TMC1: variants seen among roughly 807,000 people sequenced by gnomAD.
TMC1 encodes the protein transmembrane channel-like protein 1.
TMC1 carries 84 observed loss-of-function variants against 105.8 expected under a neutral mutation model. The observed-to-expected ratio is 0.79, with a 90% CI of 0.67 to 0.95. TMC1 has a LOEUF of 0.95. Among genes scored for constraint, TMC1 ranks in the 40% least tolerant of loss-of-function variants. The probability of loss-of-function intolerance (pLI) is 0.00; values close to 1 mark genes in which losing one functional copy is unlikely to be tolerated. For missense variants in TMC1, 817 were observed against 914.1 expected, an observed-to-expected ratio of 0.89 and a Z score of 1.37; for synonymous variants, 315 against 311.5, an observed-to-expected ratio of 1.01 and a Z score of -0.12.
At chr9:72,717,669 C>G (rs1322491632) in intron 8 of TMC1, among the ~76,000 whole-genome samples, 4 of 152,198 alleles carry the variant, frequency 2.6e-5, no homozygotes, top group Non-Finnish European at 5.9e-5. Context: ...TCTGCTGTTA[C>G]TCTGATAGAT....
At chr9:72,786,591 T>C (rs1466943595) in intron 13 of TMC1, among the ~76,000 whole-genome samples, 4 of 152,222 alleles carry the variant, frequency 2.6e-5, no homozygotes, top group African/African-American at 9.6e-5. Context: ...TTGAAAATGA[T>C]AGCAATCTTA....
Position 72,555,095 on chromosome 9 carries a change from T to A in TMC1, c.-427-22807T>A, listed in dbSNP as rs114995854. 4.2e-3 allele frequency among the ~76,000 whole-genome samples: 634 copies of A among 152,198 alleles called. 5 individuals are homozygous for A. The highest frequency in any genetic ancestry group is 0.015 in the African/African-American group (603 of 41,548). On this transcript the variant is annotated intron_variant, in intron 1 of 23. Transcript: ENST00000297784. ...GGTTTCACCATGTTGGACAGGGTAG[T>A]ATCAAATTTCTGACCTCAAGTGATC...
chr9:72,666,505 CA>C (rs1826045066), intron 5 of TMC1, among the ~76,000 whole-genome samples: 1 of 152,240 alleles, frequency 6.6e-6, no homozygotes, highest in Non-Finnish European at 1.5e-5. Flanking sequence ...CCCCAAGACA[CA>C]GGGGGAAATG....
At chr9:72,523,803 T>G (rs1202761580) in intron 1 of TMC1, among the ~76,000 whole-genome samples, 1 of 152,034 alleles carries the variant, frequency 6.6e-6, no homozygotes, top group Non-Finnish European at 1.5e-5. Context: ...CAGAGTCAAC[T>G]GTACTTGTTC....
At chr9:72,677,871 T>C (rs1313542425) in intron 5 of TMC1, among the ~76,000 whole-genome samples, 1 of 152,160 alleles carries the variant, frequency 6.6e-6, no homozygotes, top group Non-Finnish European at 1.5e-5. Flanking sequence ...CAAGATCCTG[T>C]AATATGAATG....
intron 10 of TMC1, among the ~76,000 whole-genome samples, chr9:72,749,467 A>G (rs1196697785): frequency 6.6e-6 from 1 of 152,176 alleles, no homozygotes; most frequent in Non-Finnish European, 1.5e-5. Context: ...AGTCGTTACC[A>G]GAGAATGTAG....
chr9:72,535,266 A>G (rs955901524), intron 1 of TMC1, among the ~76,000 whole-genome samples: 2 of 152,152 alleles, frequency 1.3e-5, no homozygotes, highest in Non-Finnish European at 2.9e-5. Context: ...AACTATTAGG[A>G]TTGCAGGAGG....
intron 2 of TMC1, among the ~76,000 whole-genome samples, chr9:72,580,526 C>T (rs1824458131): frequency 6.6e-6 from 1 of 151,972 alleles, no homozygotes; most frequent in Non-Finnish European, 1.5e-5. Context: ...CACTAACTTC[C>T]AAACCTCTTC....
chr9:72,773,552 CAACCTGCT>C (rs1318200410), intron 13 of TMC1, among the ~76,000 whole-genome samples: 1 of 152,128 alleles, frequency 6.6e-6, no homozygotes, highest in African/African-American at 2.4e-5. Flanking sequence ...AGATATTTAT[CAACCTGCT>C]AAAGTGTAAT....
chr9:72,788,973 T>C (rs1828217036), intron 14 of TMC1, 150 bp from the exon 15 acceptor site: 2 of 773,204 alleles, frequency 2.6e-6, no homozygotes, highest in Admixed American at 2.3e-5. Flanking sequence ...AATATTCACC[T>C]GGTTTGTGGA....
chr9:72,835,925 T>TC (rs1298831735), intron 23 of TMC1, 26 bp from the exon 24 acceptor site: 1 of 1,537,214 alleles, frequency 6.5e-7, no homozygotes, highest in African/African-American at 1.4e-5. Flanking sequence ...GTTTTTTTTT[T>TC]TTTTTTTTTT....
At chr9:72,590,219 C>G (rs1203005357) in intron 2 of TMC1, among the ~76,000 whole-genome samples, 3 of 152,178 alleles carry the variant, frequency 2.0e-5, no homozygotes, top group Non-Finnish European at 4.4e-5. Context: ...TGTATTTGAC[C>G]GTTTGATCTC....
intron 5 of TMC1, among the ~76,000 whole-genome samples, chr9:72,667,670 T>G (rs937075783): frequency 9.2e-5 from 14 of 152,244 alleles, no homozygotes; most frequent in African/African-American, 3.4e-4. Flanking sequence ...CTCTGGGCAT[T>G]TTTAATCCTG....
At chr9:72,779,522 A>G (rs1430858560) in intron 13 of TMC1, among the ~76,000 whole-genome samples, 1 of 152,250 alleles carries the variant, frequency 6.6e-6, no homozygotes, top group Admixed American at 6.5e-5. Context: ...AGAATCCAGT[A>G]AAACAATACA....
intron 12 of TMC1, among the ~76,000 whole-genome samples, chr9:72,758,318 A>G (rs1006568627): frequency 6.6e-6 from 1 of 152,202 alleles, no homozygotes; most frequent in African/African-American, 2.4e-5. Flanking sequence ...GGTCAAAATA[A>G]TTTCACAAGT....
chr9:72,755,019 GA>G, intron 12 of TMC1, 135 bp downstream of exon 12: 1 of 283,446 alleles, frequency 3.5e-6, no homozygotes. Flanking sequence ...CTTTAAGAAA[GA>G]AAGGAAAGAA....
chr9:72,546,322 AT>A (rs1423200310), intron 1 of TMC1, among the ~76,000 whole-genome samples: 2 of 152,120 alleles, frequency 1.3e-5, no homozygotes, highest in African/African-American at 4.8e-5. Flanking sequence ...TTGATGTTAC[AT>A]TTGGAAAAAC....
At chr9:72,782,799 A>G (rs1828113635) in intron 13 of TMC1, among the ~76,000 whole-genome samples, 1 of 152,202 alleles carries the variant, frequency 6.6e-6, no homozygotes, top group African/African-American at 2.4e-5. Context: ...AATGACACAA[A>G]CAAATGGAAA....
At chr9:72,644,617 A>G (rs755044988) in intron 4 of TMC1, among the ~76,000 whole-genome samples, 2 of 152,126 alleles carry the variant, frequency 1.3e-5, no homozygotes, top group African/African-American at 2.4e-5. Context: ...TGATTCATCT[A>G]TGTTGATGCC....
Sources: gnomAD v4.1 joint callset for allele counts (sites outside exome capture counted in the v4.1 genomes callset) on GRCh38, gnomAD v4.1.1 for gene constraint, MANE v1.5 for transcripts, NCBI Gene and HGNC (gene_info 2026-07-23, HGNC 2026-07-21) for gene names.